The following SH3PXD2A variants were observed in gnomAD, a reference collection of about 807,000 sequenced individuals.
The protein encoded by SH3PXD2A is SH3 and PX domain-containing protein 2A.
A neutral mutation model predicts 115.2 loss-of-function variants in SH3PXD2A; 32 were observed. The ratio of observed to expected loss-of-function variants is 0.28; its 90% CI spans 0.21 to 0.37. The LOEUF (loss-of-function observed/expected upper bound fraction) is 0.37. Ranked by LOEUF, SH3PXD2A falls within the 10% of genes least tolerant of loss-of-function variation. The pLI is 1.00. For missense variants in SH3PXD2A, 1,328 were observed against 1,498.7 expected, an observed-to-expected ratio of 0.89 and a Z score of 1.88; for synonymous variants, 610 against 629.1, an observed-to-expected ratio of 0.97 and a Z score of 0.45.
chr10:103,702,962 C>T (rs895951421), intron 5 of SH3PXD2A, among the ~76,000 whole-genome samples: 16 of 152,294 alleles, frequency 1.1e-4, no homozygotes, highest in Middle Eastern at 3.4e-3. Context: ...GTGTGACACA[C>T]GGGCAGATAC....
intron 3 of SH3PXD2A, among the ~76,000 whole-genome samples, chr10:103,752,796 T>A (rs2134207007): frequency 6.6e-6 from 1 of 152,330 alleles, no homozygotes; most frequent in South Asian, 2.1e-4. Flanking sequence ...ATGATTATCA[T>A]TACAGAGTTA....
chr10:103,796,987 T>A (rs924936177), intron 2 of SH3PXD2A, among the ~76,000 whole-genome samples: 2 of 151,488 alleles, frequency 1.3e-5, no homozygotes, highest in Non-Finnish European at 2.9e-5. Flanking sequence ...CTCAGCCTCC[T>A]GAGTAGCTGG....
chr10:103,735,831 T>TG, intron 3 of SH3PXD2A, 23 bp from the exon 4 acceptor site: 1 of 1,597,596 alleles, frequency 6.3e-7, no homozygotes, highest in Non-Finnish European at 8.6e-7. Flanking sequence ...TGCTCATGAG[T>TG]GGGGGATTCT....
At chr10:103,609,609 C>T (rs2036394698) in intron 13 of SH3PXD2A, 2 of 152,338 alleles carry the variant, frequency 1.3e-5, no homozygotes, top group Middle Eastern at 3.4e-3. Flanking sequence ...GGGTGCCAGA[C>T]ACTGGTCTAA....
intron 6 of SH3PXD2A, among the ~76,000 whole-genome samples, chr10:103,685,957 G>A (rs767921457): frequency 6.6e-6 from 1 of 152,106 alleles, no homozygotes. Flanking sequence ...TAATTAAAAC[G>A]GCAATAACAA....
chr10:103,717,868 A>G (rs2038125241), intron 5 of SH3PXD2A, among the ~76,000 whole-genome samples: 1 of 152,094 alleles, frequency 6.6e-6, no homozygotes, highest in African/African-American at 2.4e-5. Flanking sequence ...AGGGATTCTC[A>G]GGAGATCAGG....
In SH3PXD2A at chr10:103,596,606, TG is replaced by T. The variant is rs2036135369; in HGVS notation, c.*5209del. ...CTAACCCCATGTTATTTAGTTCAAG[TG>T]GGAAGTTACCAACACTTGCATACAC... On this transcript the variant is annotated 3_prime_UTR_variant, in exon 15 of 15. Coordinates refer to ENST00000369774, the MANE Select transcript of SH3PXD2A (RefSeq NM_001394015.1). 1 of 147,734 alleles carries T rather than the reference TG, an allele frequency of 6.8e-6. No individual in the cohort carries two copies. Among genetic ancestry groups the T allele is most frequent in the South Asian group, 2.1e-4 (1 of 4,700 alleles). 9.2% of individuals were successfully genotyped at this position (147,734 alleles called of 1,614,324 possible). A position where few individuals can be genotyped will look rare whatever the true frequency, so the allele number is the denominator to read the frequency against.
chr10:103,806,508 G>A (rs1225194865), intron 1 of SH3PXD2A, among the ~76,000 whole-genome samples: 1 of 152,110 alleles, frequency 6.6e-6, no homozygotes, highest in Admixed American at 6.5e-5. Flanking sequence ...AGGGAAGGGG[G>A]ACAGGGCAGA....
intron 3 of SH3PXD2A, among the ~76,000 whole-genome samples, chr10:103,748,637 G>C (rs1589439618): frequency 6.6e-6 from 1 of 152,224 alleles, no homozygotes; most frequent in Non-Finnish European, 1.5e-5. Context: ...AGTGAGACAG[G>C]CAAAGGGAAG....
rs369459732 is a variant in SH3PXD2A, at chr10:103,756,630, G to A, written c.229+10464C>T. 2.4e-4 allele frequency among the ~76,000 whole-genome samples: 36 copies of A among 152,214 alleles called. 1 individual carries two copies. The highest frequency in any genetic ancestry group is 8.2e-4 in the African/African-American group (34 of 41,538). ...GGAAGTCCTTTCCCTTCACCCCCACGGATGCAGCCCACAGGCAGGAGTGGG... is the reference window on the plus strand; with the variant it reads ...GGAAGTCCTTTCCCTTCACCCCCACAGATGCAGCCCACAGGCAGGAGTGGG... On this transcript the variant is annotated intron_variant, in intron 3 of 14. Coordinates refer to ENST00000369774, the MANE Select transcript of SH3PXD2A (RefSeq NM_001394015.1). The surrounding 1 kb of genome is among the most constrained non-coding windows in gnomAD (Gnocchi z 4.4).
chr10:103,615,505 T>TGTGTGTGTGTGTGTGTGTGC (rs2036502732), intron 11 of SH3PXD2A, among the ~76,000 whole-genome samples: 2 of 107,674 alleles, frequency 1.9e-5, no homozygotes, highest in Admixed American at 1.8e-4. Context: ...TGTGTGTGTG[T>TGTGTGTGTGTGTGTGTGTGC]GTGTGTGTGT....
chr10:103,687,045 G>T (rs149478023), intron 6 of SH3PXD2A, among the ~76,000 whole-genome samples: 17 of 152,298 alleles, frequency 1.1e-4, no homozygotes, highest in African/African-American at 4.1e-4. Flanking sequence ...ACTGCGCCTG[G>T]TTGGGAATGT....
At chr10:103,824,200 C>A (rs1564898213) in intron 1 of SH3PXD2A, among the ~76,000 whole-genome samples, 1 of 152,196 alleles carries the variant, frequency 6.6e-6, no homozygotes, top group Non-Finnish European at 1.5e-5. Flanking sequence ...GGTGGGCAGG[C>A]ATGGAGTTTG....
In SH3PXD2A at chr10:103,819,793, G is replaced by A. The variant is rs374503035; in HGVS notation, c.73-18431C>T. On this transcript the variant is annotated intron_variant, in intron 1 of 14. Transcript: ENST00000369774. Reference sequence around the variant, plus strand: ...AGGACGATGAAGCAGGCTTGGCAATGAGAGAGAGTGTGGGCAGTGAAATGC... The same window carrying A: ...AGGACGATGAAGCAGGCTTGGCAATAAGAGAGAGTGTGGGCAGTGAAATGC... 2.0e-5 allele frequency among the ~76,000 whole-genome samples: 3 copies of A among 152,000 alleles called. No homozygotes were observed. The South Asian group carries it at 6.2e-4, about 32-fold the overall frequency.
intron 5 of SH3PXD2A, among the ~76,000 whole-genome samples, chr10:103,711,814 G>A (rs556334711): frequency 2.6e-4 from 40 of 152,302 alleles, no homozygotes; most frequent in African/African-American, 7.9e-4. Context: ...TGGCACGTTG[G>A]GAAGCCGAGG....
chr10:103,646,438 C>T (rs934754539), intron 8 of SH3PXD2A, among the ~76,000 whole-genome samples: 5 of 152,170 alleles, frequency 3.3e-5, no homozygotes, highest in African/African-American at 1.2e-4. Flanking sequence ...TCTAGAGACT[C>T]GCCACAGTTA....
intron 2 of SH3PXD2A, among the ~76,000 whole-genome samples, 154 bp downstream of exon 2, chr10:103,801,128 G>A (rs1218829351): frequency 6.6e-6 from 1 of 152,184 alleles, no homozygotes; most frequent in East Asian, 1.9e-4. Context: ...GACGAGCCCA[G>A]CTCCACCTTC....
chr10:103,714,179 A>G (rs10159838), intron 5 of SH3PXD2A, among the ~76,000 whole-genome samples: 79,383 of 152,042 alleles, frequency 0.52, 22,168 homozygotes, highest in African/African-American at 0.73. Flanking sequence ...AGCAGGCCTC[A>G]GCGCTCTTCC....
intron 8 of SH3PXD2A, among the ~76,000 whole-genome samples, chr10:103,647,951 G>A (rs574451003): frequency 2.6e-5 from 4 of 152,252 alleles, no homozygotes; most frequent in South Asian, 2.1e-4. Flanking sequence ...GTTGGAGCCC[G>A]GAGGGATGAG....
Sources: gnomAD v4.1 joint callset for allele counts (sites outside exome capture counted in the v4.1 genomes callset) on GRCh38, gnomAD v4.1.1 for gene constraint, Gnocchi (gnomAD v3.1) non-coding constraint, MANE v1.5 for transcripts, NCBI Gene and HGNC (gene_info 2026-07-23, HGNC 2026-07-21) for gene names.